UBE3D: variants seen among roughly 807,000 people sequenced by gnomAD.
UBE3D encodes ubiquitin protein ligase E3D.
In UBE3D, 48 loss-of-function variants were observed where a neutral mutation model predicts 49.6. The ratio of observed to expected loss-of-function variants is 0.97; its 90% confidence interval spans 0.77 to 1.23. UBE3D has a LOEUF of 1.23. Among genes scored for constraint, UBE3D ranks in the 50% most tolerant of loss-of-function variants. UBE3D has a pLI of 0.00. For missense variants in UBE3D, 452 were observed against 468.4 expected (o/e 0.96, Z 0.32); for synonymous variants, 189 against 174.2 (o/e 1.08, Z -0.67).
Position 83,044,538 on chromosome 6 carries a change from T to C in UBE3D, c.487A>G (p.Ile163Val), listed in dbSNP as rs1224076501. 2 of 1,614,140 alleles carry C rather than the reference T, an allele frequency of 1.2e-6. No individual in the cohort carries two copies. The highest frequency in any genetic ancestry group is 2.7e-5 in the African/African-American group (2 of 75,050). The change falls in exon 4 of 10, where the codon ATT becomes GTT. Residue 163 changes from isoleucine (I) to valine (V), a missense_variant. Transcript: ENST00000369747. ...SLHPQENDCF[I>V]GDSFFLVNLR... ...TTCACCAAGAAGAAAGAGTCTCCAA[T>C]AAAACAGTCATTCTCTTGCGGATGA... is the stretch of plus-strand genomic sequence containing the variant.
intron 9 of UBE3D, among the ~76,000 whole-genome samples, chr6:82,927,813 CA>C (rs1436904085): frequency 6.7e-6 from 1 of 150,066 alleles, no homozygotes; most frequent in African/African-American, 2.5e-5. Context: ...CATCTCTGAA[CA>C]AAGACAAATG....
intron 8 of UBE3D, among the ~76,000 whole-genome samples, chr6:82,997,277 T>G (rs1779306539): frequency 6.6e-6 from 1 of 152,030 alleles, no homozygotes; most frequent in Admixed American, 6.5e-5. Flanking sequence ...TAAAATAATT[T>G]TAATAGAATG....
chr6:82,907,852 A>T (rs1425807619), intron 9 of UBE3D, among the ~76,000 whole-genome samples: 1 of 152,176 alleles, frequency 6.6e-6, no homozygotes, highest in East Asian at 1.9e-4. Context: ...TACCTGAGAG[A>T]GATGAAAACA....
chr6:82,918,627 T>C (rs1450361884), intron 9 of UBE3D, among the ~76,000 whole-genome samples: 1 of 152,174 alleles, frequency 6.6e-6, no homozygotes, highest in African/African-American at 2.4e-5. Context: ...TGCTATGGAT[T>C]TGAAACCGGC....
At chr6:82,989,319 T>C (rs1218580829) in intron 8 of UBE3D, among the ~76,000 whole-genome samples, 3 of 151,984 alleles carry the variant, frequency 2.0e-5, no homozygotes, top group African/African-American at 4.8e-5. Context: ...ATTACTCCGA[T>C]GGGGTTTGGG....
chr6:82,893,002 A>G lies in UBE3D; in HGVS notation c.*20T>C. 3 of 1,613,644 alleles carry G rather than the reference A, an allele frequency of 1.9e-6. No homozygotes were observed. Among genetic ancestry groups the G allele is most frequent in the Non-Finnish European group, 1.7e-6 (2 of 1,179,820 alleles). On this transcript the variant is annotated 3_prime_UTR_variant, in exon 10 of 10. Coordinates refer to ENST00000369747, the MANE Select transcript of UBE3D (RefSeq NM_198920.3). The stretch of plus-strand genomic sequence containing the variant: ...CTTGAGAGCTGTCTGCCGGGGGAGG[A>G]GAATGCCCAGCTCTAATAGTTACAT...
At chr6:82,888,210 T>A (rs1002859626), downstream of UBE3D, among the ~76,000 whole-genome samples, 5 of 151,834 alleles carry the variant, frequency 3.3e-5, no homozygotes, top group East Asian at 3.9e-4. Context: ...TTTCCTTGAG[T>A]TTAGGAAGAG....
chr6:82,994,168 C>A (rs1047175886), intron 8 of UBE3D, among the ~76,000 whole-genome samples: 1 of 152,054 alleles, frequency 6.6e-6, no homozygotes, highest in Non-Finnish European at 1.5e-5. Context: ...CCATGGACAA[C>A]AGAAGAAAAA....
chr6:82,995,602 G>A (rs1779187133), intron 8 of UBE3D, among the ~76,000 whole-genome samples: 1 of 151,626 alleles, frequency 6.6e-6, no homozygotes, highest in African/African-American at 2.4e-5. Flanking sequence ...AAACAGAGAT[G>A]TTCAACCACA....
intron 9 of UBE3D, among the ~76,000 whole-genome samples, chr6:82,940,854 A>G (rs147556202): frequency 1.1e-3 from 169 of 152,280 alleles, no homozygotes; most frequent in African/African-American, 3.9e-3. Context: ...AATGAGCCCA[A>G]TTTTATATTA....
chr6:82,968,772 T>A lies in UBE3D; in HGVS notation c.1011-11322A>T, dbSNP rs1018609963. 2.0e-5 allele frequency among the ~76,000 whole-genome samples: 3 copies of A among 152,224 alleles called. No homozygotes were observed. In the East Asian group the frequency reaches 5.8e-4, roughly 29 times the overall value. ...TTCTGTGCTATATATCTGGTTTATA[T>A]TTGCTTAATTCTAGTGAACTAGAGT... On this transcript the variant is annotated intron_variant, in intron 8 of 9. Transcript: ENST00000369747.
chr6:83,003,271 C>A (rs1314711379), intron 8 of UBE3D, among the ~76,000 whole-genome samples: 2 of 152,086 alleles, frequency 1.3e-5, no homozygotes, highest in African/African-American at 4.8e-5. Context: ...CATTTGTATT[C>A]TCACAGATCA....
chr6:83,000,263 A>C (rs914361541), intron 8 of UBE3D, among the ~76,000 whole-genome samples: 5 of 152,232 alleles, frequency 3.3e-5, no homozygotes, highest in Non-Finnish European at 5.9e-5. Context: ...TTAACATTCT[A>C]TTTGCTATTC....
intron 1 of UBE3D, among the ~76,000 whole-genome samples, chr6:83,064,278 C>T (rs1410576615): frequency 6.6e-6 from 1 of 152,076 alleles, no homozygotes. Flanking sequence ...GGCTGAACTG[C>T]AGTGGCGCGA....
chr6:82,970,342 G>T (rs539617572), intron 8 of UBE3D, among the ~76,000 whole-genome samples: 1 of 151,800 alleles, frequency 6.6e-6, no homozygotes, highest in South Asian at 2.1e-4. Flanking sequence ...ATCTATAAGG[G>T]TTTTATAATT....
At chr6:82,986,987 C>A (rs1363323270) in intron 8 of UBE3D, among the ~76,000 whole-genome samples, 4 of 151,818 alleles carry the variant, frequency 2.6e-5, no homozygotes, top group African/African-American at 9.7e-5. Context: ...ATCCGTCGCC[C>A]AGGCTGGAGT....
chr6:83,026,777 G>C (rs947575975), intron 5 of UBE3D, among the ~76,000 whole-genome samples: 3 of 151,914 alleles, frequency 2.0e-5, no homozygotes, highest in Non-Finnish European at 2.9e-5. Context: ...ACTGTACCTC[G>C]AACCCCTGGG....
At chr6:82,987,507 G>A (rs1337958303) in intron 8 of UBE3D, among the ~76,000 whole-genome samples, 1 of 152,116 alleles carries the variant, frequency 6.6e-6, no homozygotes, top group Non-Finnish European at 1.5e-5. Context: ...AAAAATTAAA[G>A]CCAATGCTCA....
Position 83,048,106 on chromosome 6 carries a change from T to C in UBE3D, c.366-3447A>G, listed in dbSNP as rs1476103912. Among the ~76,000 whole-genome samples the C allele has an allele frequency of 4.8e-5, 4 of 83,794 alleles. No homozygotes were observed. The South Asian group carries it at 1.7e-3, about 35-fold the overall frequency. The allele number at this position is 83,794 out of a possible 152,430, so 55.0% of individuals were successfully genotyped here. A position where few individuals can be genotyped will look rare whatever the true frequency, so the allele number is the denominator to read the frequency against. ...AAAAAAAAAAAAAAAAAAAAAAAAA[T>C]CTGCATTAAGTTCACAGAATCAGAA... On this transcript the variant is annotated intron_variant, in intron 3 of 9. Transcript: ENST00000369747.
Sources: gnomAD v4.1 joint callset for allele counts (sites outside exome capture counted in the v4.1 genomes callset) on GRCh38, gnomAD v4.1.1 for gene constraint, MANE v1.5 for transcripts, NCBI Gene and HGNC (gene_info 2026-07-23, HGNC 2026-07-21) for gene names.